The following CACNG2 variants were observed in gnomAD, a reference collection of about 807,000 sequenced individuals.
CACNG2 encodes the protein voltage-dependent calcium channel gamma-2 subunit.
CACNG2 carries 3 observed loss-of-function variants against 25.9 expected under a neutral mutation model. The observed-to-expected ratio is 0.12, with a 90% CI of 0.05 to 0.30. CACNG2 has a LOEUF of 0.30. CACNG2 is among the 10% of genes least tolerant of loss of function. CACNG2 has a pLI of 1.00. For missense variants in CACNG2, 341 were observed against 432.5 expected (o/e 0.79, Z 1.88); for synonymous variants, 167 against 173.3 (o/e 0.96, Z 0.29).
intron 1 of CACNG2, among the ~76,000 whole-genome samples, chr22:36,673,417 A>C (rs1232222402): frequency 6.6e-6 from 1 of 152,194 alleles, no homozygotes; most frequent in Non-Finnish European, 1.5e-5. Flanking sequence ...CATCGGAACT[A>C]TCAGTAAACC....
chr22:36,585,879 G>C (rs543485163), intron 2 of CACNG2, among the ~76,000 whole-genome samples: 1 of 152,360 alleles, frequency 6.6e-6, no homozygotes, highest in East Asian at 1.9e-4. Flanking sequence ...GTTAGGAATT[G>C]CTACTGAAGA....
At chr22:36,600,450 CAA>C (rs56118733) in intron 1 of CACNG2, among the ~76,000 whole-genome samples, 3,396 of 147,394 alleles carry the variant, frequency 0.023, 50 homozygotes, top group African/African-American at 0.034. Flanking sequence ...ACCAAAAAAA[CAA>C]AAAAAAAAAT....
intron 1 of CACNG2, among the ~76,000 whole-genome samples, chr22:36,690,743 T>C (rs866829770): frequency 5.9e-5 from 9 of 152,296 alleles, no homozygotes; most frequent in African/African-American, 1.7e-4. Context: ...ACTCCAGGCC[T>C]CACTGGGAAA....
rs115358271 is a variant in CACNG2 at position 36,691,806 on chromosome 22, C to T, written c.211+10560G>A. On this transcript the variant is annotated intron_variant, in intron 1 of 3. Transcript: ENST00000300105. ...TGCTTAGCACAAAGGAAACACTCAA[C>T]GAATGACTACCTATTATTATTATTG... Among the ~76,000 whole-genome samples the T allele has an allele frequency of 2.3e-3, 346 of 152,242 alleles. 2 individuals are homozygous for T. Among genetic ancestry groups the T allele is most frequent in the African/African-American group, 8.1e-3 (336 of 41,552 alleles).
intron 1 of CACNG2, among the ~76,000 whole-genome samples, chr22:36,678,918 G>A (rs376318792): frequency 6.6e-5 from 10 of 152,096 alleles, no homozygotes; most frequent in African/African-American, 9.7e-5. Context: ...CCAAGGACAC[G>A]TGGTTTGTGT....
intron 1 of CACNG2, among the ~76,000 whole-genome samples, chr22:36,652,518 G>C (rs1252509710): frequency 6.6e-6 from 1 of 151,960 alleles, no homozygotes; most frequent in Non-Finnish European, 1.5e-5. Flanking sequence ...TCACCCTCAG[G>C]CCTCAGGCTC....
At chr22:36,595,986 A>G (rs1408631805) in intron 1 of CACNG2, among the ~76,000 whole-genome samples, 1 of 152,254 alleles carries the variant, frequency 6.6e-6, no homozygotes, top group African/African-American at 2.4e-5. Flanking sequence ...TAAAAAGCAC[A>G]TTAATATCTC....
intron 1 of CACNG2, among the ~76,000 whole-genome samples, chr22:36,690,462 A>G (rs1349470649): frequency 1.3e-5 from 2 of 152,218 alleles, no homozygotes; most frequent in African/African-American, 4.8e-5. Flanking sequence ...CACCCTTTGC[A>G]ACTGCTAGCG....
At chr22:36,660,619 T>C (rs1318825712) in intron 1 of CACNG2, among the ~76,000 whole-genome samples, 3 of 152,226 alleles carry the variant, frequency 2.0e-5, no homozygotes, top group Non-Finnish European at 2.9e-5. Context: ...TCCACCAGCC[T>C]GGCCCCCCAC....
At chr22:36,687,104 G>T (rs1461778089) in intron 1 of CACNG2, among the ~76,000 whole-genome samples, 1 of 152,182 alleles carries the variant, frequency 6.6e-6, no homozygotes, top group Non-Finnish European at 1.5e-5. Flanking sequence ...TCCATGGGAT[G>T]TGAAGGCAGT....
At chr22:36,678,522 A>G (rs1174347830) in intron 1 of CACNG2, among the ~76,000 whole-genome samples, 3 of 151,704 alleles carry the variant, frequency 2.0e-5, no homozygotes, top group Non-Finnish European at 4.4e-5. Context: ...ACTCGACCCA[A>G]TTCTCAAGCC....
intron 1 of CACNG2, among the ~76,000 whole-genome samples, chr22:36,687,195 G>A (rs1427068235): frequency 6.6e-6 from 1 of 152,184 alleles, no homozygotes; most frequent in East Asian, 1.9e-4. Context: ...GCGAGCAGGG[G>A]TCTGCATTGT....
chr22:36,696,632 A>G (rs1937345030), intron 1 of CACNG2, among the ~76,000 whole-genome samples: 1 of 152,226 alleles, frequency 6.6e-6, no homozygotes, highest in Non-Finnish European at 1.5e-5. Context: ...CTGACAGTCT[A>G]GTGGTGAGAG....
chr22:36,632,251 G>A (rs368466198), intron 1 of CACNG2, among the ~76,000 whole-genome samples: 1 of 151,908 alleles, frequency 6.6e-6, no homozygotes, highest in East Asian at 1.9e-4. Context: ...AGGCTGCTCT[G>A]AGGAAAGAAG....
intron 2 of CACNG2, 132 bp from the exon 3 acceptor site, chr22:36,566,625 G>T: frequency 1.0e-6 from 1 of 970,002 alleles, no homozygotes; most frequent in Non-Finnish European, 1.6e-6. Context: ...AGGTTGCTTT[G>T]CAATCCTAGG....
At chr22:36,624,998 A>T (rs1936163005) in intron 1 of CACNG2, among the ~76,000 whole-genome samples, 1 of 128,610 alleles carries the variant, frequency 7.8e-6, no homozygotes, top group African/African-American at 2.9e-5. Flanking sequence ...ACTGCACTCC[A>T]GCCTGGCAAC....
Position 36,674,397 on chromosome 22 carries a change from C to T in CACNG2, c.211+27969G>A, listed in dbSNP as rs149975603. 9.9e-5 allele frequency among the ~76,000 whole-genome samples: 15 copies of T among 152,260 alleles called. No homozygotes were observed. The East Asian group carries it at 2.3e-3, about 24-fold the overall frequency. ...AGGCTGGAGTGTAGTGGCACTATCT[C>T]GGCTCACTGCAACCTCTACCTCTTG... is the stretch of plus-strand genomic sequence containing the variant. On this transcript the variant is annotated intron_variant, in intron 1 of 3. Coordinates refer to ENST00000300105, the MANE Select transcript of CACNG2 (RefSeq NM_006078.5).
At chr22:36,605,852 A>G (rs530091327) in intron 1 of CACNG2, among the ~76,000 whole-genome samples, 2 of 152,206 alleles carry the variant, frequency 1.3e-5, no homozygotes, top group South Asian at 4.1e-4. Flanking sequence ...CCAAGGAGCT[A>G]TGGGAACCGC....
intron 1 of CACNG2, among the ~76,000 whole-genome samples, chr22:36,613,883 C>T (rs906965910): frequency 2.6e-5 from 4 of 152,190 alleles, no homozygotes; most frequent in African/African-American, 9.6e-5. Flanking sequence ...TTGGAGTCAT[C>T]CTTGATTTCT....
Sources: allele counts gnomAD v4.1 joint callset (sites outside exome capture counted in the v4.1 genomes callset), GRCh38; gene constraint gnomAD v4.1.1; transcripts MANE v1.5; gene names NCBI Gene and HGNC (gene_info 2026-07-23, HGNC 2026-07-21).